Variants in OVCH1 observed in about 807,000 individuals in gnomAD.
OVCH1 encodes the protein ovochymase-1.
Under a neutral mutation model 138.4 loss-of-function variants are expected in OVCH1, and 139 were observed. That is an observed-to-expected ratio of 1.00 (90% CI 0.87 to 1.16). OVCH1 has a LOEUF of 1.16. Ranked by LOEUF, OVCH1 falls within the 50% of genes most tolerant of loss-of-function variation. The probability of loss-of-function intolerance (pLI) is 0.00; values close to 1 mark genes in which losing one functional copy is unlikely to be tolerated. For synonymous variants in OVCH1, 453 were observed against 467.8 expected (o/e 0.97, Z 0.41); for missense variants, 1,367 against 1,357.9 (o/e 1.01, Z -0.11).
downstream of OVCH1, among the ~76,000 whole-genome samples, chr12:29,411,220 A>G (rs1160315940): frequency 8.2e-6 from 1 of 121,516 alleles, no homozygotes; most frequent in Non-Finnish European, 1.9e-5. Flanking sequence ...AATTTTTTTC[A>G]AAGTTTTTAA....
intron 7 of OVCH1, among the ~76,000 whole-genome samples, chr12:29,486,673 G>A (rs1036841310): frequency 6.6e-6 from 1 of 152,068 alleles, no homozygotes; most frequent in Non-Finnish European, 1.5e-5. Context: ...AAGAGATAGG[G>A]GAAGATGAAC....
At chr12:29,494,059 T>C (rs984846047) in intron 4 of OVCH1, among the ~76,000 whole-genome samples, 6 of 152,226 alleles carry the variant, frequency 3.9e-5, no homozygotes, top group African/African-American at 1.2e-4. Flanking sequence ...GAGTGAGGCC[T>C]GGCTCATGAT....
downstream of OVCH1, chr12:29,425,847 A>T (rs1283418363): frequency 2.1e-5 from 3 of 141,574 alleles, no homozygotes; most frequent in African/African-American, 8.9e-5. Context: ...ATGTATATTT[A>T]AAAAGAATTA....
At chr12:29,410,928 C>T (rs1003404126), downstream of OVCH1, among the ~76,000 whole-genome samples, 2 of 151,984 alleles carry the variant, frequency 1.3e-5, no homozygotes, top group African/African-American at 4.8e-5. Context: ...TTCCATTCTC[C>T]CCGTCACCTT....
intron 19 of OVCH1, among the ~76,000 whole-genome samples, chr12:29,458,255 G>T (rs553336686): frequency 1.3e-4 from 20 of 152,016 alleles, no homozygotes; most frequent in African/African-American, 4.8e-4. Flanking sequence ...CAAAGCTATA[G>T]TAACCAAAAC....
At chr12:29,480,144 A>T (rs907713975) in intron 8 of OVCH1, among the ~76,000 whole-genome samples, 1 of 152,100 alleles carries the variant, frequency 6.6e-6, no homozygotes, top group Non-Finnish European at 1.5e-5. Flanking sequence ...GTGTTTTTCT[A>T]TTCAAGTCCA....
chr12:29,403,773 C>T, the OVCH1 span, among the ~76,000 whole-genome samples: 1 of 152,172 alleles, frequency 6.6e-6, no homozygotes, highest in African/African-American at 2.4e-5. Flanking sequence ...TATTTGTGCT[C>T]ACAGCAGTTT....
At chr12:29,411,625 G>A (rs1029681899), downstream of OVCH1, among the ~76,000 whole-genome samples, 9 of 152,190 alleles carry the variant, frequency 5.9e-5, no homozygotes, top group African/African-American at 1.2e-4. Flanking sequence ...GCGGTTTTTC[G>A]TGAACCGTAA....
chr12:29,427,330 G>A (rs1025224590), downstream of OVCH1, among the ~76,000 whole-genome samples: 12 of 152,190 alleles, frequency 7.9e-5, no homozygotes, highest in African/African-American at 2.7e-4. Context: ...ACAAAGTTCT[G>A]TTGCCAGGAA....
At chr12:29,431,252 C>A (rs1468910297) in intron 27 of OVCH1, among the ~76,000 whole-genome samples, 1 of 151,938 alleles carries the variant, frequency 6.6e-6, no homozygotes, top group African/African-American at 2.4e-5. Flanking sequence ...ACCTGGGTAA[C>A]AGCAAGACCT....
chr12:29,475,036 T>C (rs767730244), intron 14 of OVCH1, 25 bp downstream of exon 14: 1 of 1,568,958 alleles, frequency 6.4e-7, no homozygotes, highest in East Asian at 2.3e-5. Flanking sequence ...ACAAAAGTCC[T>C]TATTACACAA....
the OVCH1 span, among the ~76,000 whole-genome samples, chr12:29,402,499 G>C: frequency 6.6e-6 from 1 of 152,062 alleles, no homozygotes; most frequent in Middle Eastern, 3.4e-3. Flanking sequence ...AGAGGGAAAA[G>C]AGAAAGACAG....
chr12:29,454,696 TC>T, intron 21 of OVCH1, 144 bp downstream of exon 21: 2 of 653,558 alleles, frequency 3.1e-6, no homozygotes, highest in East Asian at 2.8e-5. Context: ...ATAACAACTC[TC>T]CCCACTTTCA....
intron 25 of OVCH1, 144 bp downstream of exon 25, chr12:29,443,217 A>G (rs1843958444): frequency 2.5e-6 from 2 of 789,052 alleles, no homozygotes; most frequent in African/African-American, 1.8e-5. Context: ...ATCTGACACA[A>G]GTTTAACAGT....
At position 29,478,818 on chromosome 12, in the gene OVCH1, A is replaced by C. The variant is rs753613248; in HGVS notation, c.1069+17T>G. 5.3e-6 allele frequency: 8 copies of C among 1,517,888 alleles called. No homozygotes were observed. The South Asian group carries it at 1.0e-4, about 20-fold the overall frequency. The allele number at this position is 1,517,888 out of a possible 1,614,324, so 94.0% of individuals were successfully genotyped here. ...ATACTCTAAAATGACAAATAAAAAC[A>C]AATGTAACATACTTACTAAAAAGCA... On this transcript the variant is annotated intron_variant, in intron 9 of 27. Transcript: ENST00000318184.
downstream of OVCH1, among the ~76,000 whole-genome samples, chr12:29,411,297 T>C (rs546085404): frequency 6.6e-4 from 99 of 149,944 alleles, 1 homozygote; most frequent in African/African-American, 2.3e-3. Context: ...CCTTCTACTC[T>C]CAACTCGTCA....
At chr12:29,422,566 A>G (rs1478274948) in intron 3 of OVCH1, among the ~76,000 whole-genome samples, 1 of 152,210 alleles carries the variant, frequency 6.6e-6, no homozygotes, top group African/African-American at 2.4e-5. Context: ...TTCACCTAAT[A>G]TGTTCATTCA....
At chr12:29,470,455 G>T (rs1159185570) in intron 16 of OVCH1, among the ~76,000 whole-genome samples, 1 of 152,096 alleles carries the variant, frequency 6.6e-6, no homozygotes, top group African/African-American at 2.4e-5. Flanking sequence ...ACTTATGAGT[G>T]AGAACATGCA....
At chr12:29,413,639 TTATG>T (rs749407347) in intron 3 of OVCH1, among the ~76,000 whole-genome samples, 5 of 149,230 alleles carry the variant, frequency 3.4e-5, no homozygotes, top group East Asian at 2.0e-4. Flanking sequence ...CAATGTGCAT[TTATG>T]TATGTGTCTG....
Sources: allele counts gnomAD v4.1 joint callset (sites outside exome capture counted in the v4.1 genomes callset), GRCh38; gene constraint gnomAD v4.1.1; transcripts MANE v1.5; gene names NCBI Gene and HGNC (gene_info 2026-07-23, HGNC 2026-07-21).